The following FBXL20 variants were observed in gnomAD, a reference collection of about 807,000 sequenced individuals.
The protein encoded by FBXL20 is F-box/LRR-repeat protein 20.
In FBXL20, 11 loss-of-function variants were observed where a neutral mutation model predicts 64.0. The ratio of observed to expected loss-of-function variants is 0.17; its 90% CI spans 0.11 to 0.28. FBXL20 has a LOEUF of 0.28. Among genes scored for constraint, FBXL20 ranks in the 10% least tolerant of loss-of-function variants. The pLI is 1.00. For synonymous variants in FBXL20, 184 were observed against 189.0 expected (o/e 0.97, Z 0.22); for missense variants, 303 against 526.2 (o/e 0.58, Z 4.15).
At chr17:39,372,157 TAG>T (rs1310106644) in intron 1 of FBXL20, among the ~76,000 whole-genome samples, 1 of 152,122 alleles carries the variant, frequency 6.6e-6, no homozygotes, top group African/African-American at 2.4e-5. Flanking sequence ...TAATTTCAAA[TAG>T]AGTTTATATC....
In FBXL20 at chr17:39,285,464, T is replaced by C. The variant is rs371237612; in HGVS notation, c.494+14A>G. The stretch of plus-strand genomic sequence containing the variant: ...TTTTTTGATTACTTGACATGCTTAT[T>C]ATAAGAAATTTACCTCAGAGCTTTT... On this transcript the variant is annotated intron_variant, in intron 7 of 14. Coordinates refer to ENST00000264658, the MANE Select transcript of FBXL20 (RefSeq NM_032875.3). The C allele has an allele frequency of 1.3e-4, 194 of 1,538,600 alleles. No individual in the cohort carries two copies. Among genetic ancestry groups the C allele is most frequent in the Middle Eastern group, 1.7e-4 (1 of 5,762 alleles).
intron 9 of FBXL20, among the ~76,000 whole-genome samples, chr17:39,280,912 C>T (rs937450391): frequency 1.3e-5 from 2 of 152,044 alleles, no homozygotes; most frequent in Non-Finnish European, 2.9e-5. Context: ...TACAGGCACA[C>T]ACCACCAAAC....
intron 2 of FBXL20, among the ~76,000 whole-genome samples, chr17:39,331,436 C>T (rs901276466): frequency 2.6e-5 from 4 of 152,078 alleles, no homozygotes; most frequent in African/African-American, 9.7e-5. Flanking sequence ...CAGGCTACTA[C>T]TCTTTAAGTC....
At chr17:39,316,800 C>T (rs757370447) in intron 2 of FBXL20, among the ~76,000 whole-genome samples, 1 of 152,162 alleles carries the variant, frequency 6.6e-6, no homozygotes, top group Non-Finnish European at 1.5e-5. Flanking sequence ...CCAGCCTGGC[C>T]AACATGGCGA....
intron 1 of FBXL20, among the ~76,000 whole-genome samples, chr17:39,392,941 C>G (rs1481566298): frequency 1.3e-5 from 2 of 150,568 alleles, no homozygotes; most frequent in Non-Finnish European, 3.0e-5. Context: ...GCGGAGGAGC[C>G]GAGATCGTGT....
At chr17:39,314,605 C>T (rs919229520) in intron 2 of FBXL20, among the ~76,000 whole-genome samples, 2 of 152,074 alleles carry the variant, frequency 1.3e-5, no homozygotes, top group African/African-American at 4.8e-5. Context: ...TAGTGATCCA[C>T]CTGCCTCGGC....
chr17:39,280,818 G>T (rs1257865232), intron 9 of FBXL20, among the ~76,000 whole-genome samples: 3 of 152,110 alleles, frequency 2.0e-5, no homozygotes, highest in African/African-American at 7.2e-5. Context: ...GAGCTGGAGT[G>T]CTGTGGCATG....
intron 1 of FBXL20, among the ~76,000 whole-genome samples, chr17:39,360,560 C>T (rs552211388): frequency 8.6e-5 from 13 of 152,036 alleles, no homozygotes; most frequent in African/African-American, 2.4e-4. Flanking sequence ...GGGTTAGGAG[C>T]GGGACAAAAA....
intron 2 of FBXL20, among the ~76,000 whole-genome samples, chr17:39,337,230 C>T (rs974626079): frequency 3.9e-5 from 6 of 152,322 alleles, no homozygotes; most frequent in East Asian, 1.9e-4. Context: ...ACGAGTGATC[C>T]GCCAGCCTCG....
At chr17:39,393,452 A>G (rs954571305) in intron 1 of FBXL20, among the ~76,000 whole-genome samples, 8 of 152,162 alleles carry the variant, frequency 5.3e-5, no homozygotes, top group Non-Finnish European at 1.5e-5. Flanking sequence ...GGGATTTTAT[A>G]TATTTATTGC....
chr17:39,367,194 T>TC (rs2047869015), intron 1 of FBXL20, among the ~76,000 whole-genome samples: 1 of 152,290 alleles, frequency 6.6e-6, no homozygotes, highest in East Asian at 1.9e-4. Context: ...ATCAGTCCTT[T>TC]CAATCTAGAA....
chr17:39,290,844 T>C (rs1342680151), intron 6 of FBXL20, among the ~76,000 whole-genome samples: 2 of 152,144 alleles, frequency 1.3e-5, no homozygotes, highest in Non-Finnish European at 2.9e-5. Flanking sequence ...ATTACAGGCA[T>C]GAGCCAATGC....
intron 2 of FBXL20, among the ~76,000 whole-genome samples, chr17:39,315,862 A>AGAGAGAGAGAGAGC (rs2047285801): frequency 1.6e-5 from 2 of 127,342 alleles, no homozygotes; most frequent in Non-Finnish European, 3.3e-5. Flanking sequence ...AGAGAGAGAG[A>AGAGAGAGAGAGAGC]GAGAGAGAGC....
At chr17:39,265,878 G>GACA in intron 12 of FBXL20, among the ~76,000 whole-genome samples, 1 of 151,704 alleles carries the variant, frequency 6.6e-6, no homozygotes, top group Non-Finnish European at 1.5e-5. Flanking sequence ...GAATGGCTGG[G>GACA]ACAACAGGTG....
At chr17:39,344,662 A>T (rs938268118) in intron 1 of FBXL20, among the ~76,000 whole-genome samples, 4 of 152,044 alleles carry the variant, frequency 2.6e-5, no homozygotes, top group African/African-American at 7.2e-5. Flanking sequence ...GGTGGCACAC[A>T]CCTGTAGTAC....
At chr17:39,300,751 T>C (rs2047126784) in intron 4 of FBXL20, among the ~76,000 whole-genome samples, 1 of 152,212 alleles carries the variant, frequency 6.6e-6, no homozygotes. Flanking sequence ...TTTAGTCCTA[T>C]TTCAAGACCA....
chr17:39,338,477 A>G (rs1385949584), intron 2 of FBXL20, among the ~76,000 whole-genome samples: 1 of 152,096 alleles, frequency 6.6e-6, no homozygotes, highest in Non-Finnish European at 1.5e-5. Flanking sequence ...TCCCTCCACT[A>G]TTGTCCTATG....
chr17:39,271,114 T>A (rs1022242361), intron 10 of FBXL20, among the ~76,000 whole-genome samples: 59 of 152,274 alleles, frequency 3.9e-4, no homozygotes, highest in African/African-American at 1.4e-3. Context: ...TTGAAGCTTG[T>A]AGTTAATGCC....
intron 1 of FBXL20, among the ~76,000 whole-genome samples, chr17:39,378,831 G>A (rs1027575649): frequency 4.6e-5 from 7 of 151,332 alleles, no homozygotes; most frequent in Non-Finnish European, 1.0e-4. Flanking sequence ...GGCTGGTCTC[G>A]AACTCCTGAC....
Sources: allele counts gnomAD v4.1 joint callset (sites outside exome capture counted in the v4.1 genomes callset), GRCh38; gene constraint gnomAD v4.1.1; transcripts MANE v1.5; gene names NCBI Gene and HGNC (gene_info 2026-07-23, HGNC 2026-07-21).